MSRA: variants seen among roughly 807,000 people sequenced by gnomAD.
MSRA encodes the protein mitochondrial peptide methionine sulfoxide reductase.
In MSRA, 54 loss-of-function variants were observed where a neutral mutation model predicts 31.3. The ratio of observed to expected loss-of-function variants is 1.73; its 90% CI spans 1.39 to 2.17. The LOEUF (loss-of-function observed/expected upper bound fraction) is 2.17, where lower values mean the gene tolerates loss of function less well. Ranked by LOEUF, MSRA falls within the 30% of genes most tolerant of loss-of-function variation. The probability of loss-of-function intolerance (pLI) is 0.00; values close to 1 mark genes in which losing one functional copy is unlikely to be tolerated. For missense variants in MSRA, 507 were observed against 300.9 expected, an observed-to-expected ratio of 1.69 and a Z score of -5.07; for synonymous variants, 169 against 116.5, an observed-to-expected ratio of 1.45 and a Z score of -2.90.
intron 1 of MSRA, among the ~76,000 whole-genome samples, chr8:10,112,156 C>A (rs1480145565): frequency 6.6e-6 from 1 of 152,124 alleles, no homozygotes; most frequent in African/African-American, 2.4e-5. Context: ...GCGCTGTCTC[C>A]TTATTTTAAA....
At chr8:10,069,019 G>A (rs539773749) in intron 1 of MSRA, among the ~76,000 whole-genome samples, 218 of 152,154 alleles carry the variant, frequency 1.4e-3, no homozygotes, top group African/African-American at 4.8e-3. Flanking sequence ...AAAATATTTC[G>A]TGTTTTTTTG....
chr8:10,059,502 G>A (rs886622341), intron 1 of MSRA, among the ~76,000 whole-genome samples: 1 of 152,130 alleles, frequency 6.6e-6, no homozygotes, highest in Non-Finnish European at 1.5e-5. Context: ...TTCCATTTAG[G>A]TTATTGTTAA....
intron 1 of MSRA, among the ~76,000 whole-genome samples, chr8:10,092,841 A>G (rs1323553305): frequency 9.2e-5 from 14 of 152,078 alleles, no homozygotes; most frequent in Admixed American, 8.5e-4. Flanking sequence ...CAATTATTTT[A>G]GATTTTGCTT....
At chr8:10,234,522 G>C (rs1223873883) in intron 2 of MSRA, among the ~76,000 whole-genome samples, 2 of 151,920 alleles carry the variant, frequency 1.3e-5, no homozygotes, top group East Asian at 3.9e-4. Context: ...TAATAGGAGA[G>C]AGAAAATGAG....
intron 5 of MSRA, among the ~76,000 whole-genome samples, chr8:10,408,556 A>G (rs1458921922): frequency 1.3e-5 from 2 of 152,144 alleles, no homozygotes; most frequent in Admixed American, 6.5e-5. Flanking sequence ...AATAAGTAAT[A>G]GAGGAGTAGG....
intron 2 of MSRA, among the ~76,000 whole-genome samples, chr8:10,232,713 G>A (rs538850413): frequency 6.6e-6 from 1 of 152,284 alleles, no homozygotes; most frequent in East Asian, 1.9e-4. Context: ...AAATCTCATA[G>A]ACACAGATAT....
chr8:10,271,969 A>C (rs1361518230), intron 3 of MSRA, among the ~76,000 whole-genome samples: 3 of 152,180 alleles, frequency 2.0e-5, no homozygotes, highest in South Asian at 2.1e-4. Flanking sequence ...CGACCTCCCA[A>C]AGTGCTGGGA....
At chr8:10,072,385 T>G (rs1303552418) in intron 1 of MSRA, among the ~76,000 whole-genome samples, 1 of 152,218 alleles carries the variant, frequency 6.6e-6, no homozygotes, top group Non-Finnish European at 1.5e-5. Flanking sequence ...ATTGATTTGC[T>G]TCTGCATTTT....
rs1554557545 is a variant in MSRA, at chr8:10,417,664, G to GA, written c.544-10484_544-10483insA. On this transcript the variant is annotated intron_variant, in intron 5 of 5. Transcript: ENST00000317173. ...AGTCATTTCACATTTTTTTTTTAAA[G>GA]TTTTGATTGACATCTATTTGGTCAA... is the stretch of plus-strand genomic sequence containing the variant. Among the ~76,000 whole-genome samples the GA allele has an allele frequency of 2.7e-4, 41 of 151,612 alleles. No individual in the cohort carries two copies. The South Asian group carries it at 8.3e-3, about 31-fold the overall frequency.
At chr8:10,233,587 G>A (rs1219394477) in intron 2 of MSRA, among the ~76,000 whole-genome samples, 1 of 152,172 alleles carries the variant, frequency 6.6e-6, no homozygotes, top group East Asian at 1.9e-4. Context: ...GAACCCAGTT[G>A]ATGAGGAACT....
At chr8:10,167,170 T>G (rs1805209032) in intron 1 of MSRA, among the ~76,000 whole-genome samples, 1 of 152,180 alleles carries the variant, frequency 6.6e-6, no homozygotes, top group African/African-American at 2.4e-5. Flanking sequence ...ATGTTTTGTC[T>G]GGAAACAAGT....
In MSRA at chr8:10,290,455, T is replaced by A. The variant is rs180793613; in HGVS notation, c.332-11079T>A. 1.5e-3 allele frequency among the ~76,000 whole-genome samples: 221 copies of A among 152,262 alleles called. 4 individuals are homozygous for A. The highest frequency in any genetic ancestry group is 0.014 in the Admixed American group (219 of 15,302). ...AGACTTTGTTGAAAAAAAAAAATGT[T>A]CTGTCCATTTCCTCCTTTGTGGTTT... is the stretch of plus-strand genomic sequence containing the variant. On this transcript the variant is annotated intron_variant, in intron 3 of 5. Coordinates refer to ENST00000317173, the MANE Select transcript of MSRA (RefSeq NM_012331.5).
At chr8:10,113,763 AT>A (rs1178311984) in intron 1 of MSRA, among the ~76,000 whole-genome samples, 253 of 147,706 alleles carry the variant, frequency 1.7e-3, no homozygotes, top group African/African-American at 4.5e-3. Flanking sequence ...AGGTATTTGC[AT>A]TTTTTTTTTT....
intron 5 of MSRA, among the ~76,000 whole-genome samples, chr8:10,384,114 G>C (rs1043570011): frequency 1.3e-5 from 2 of 152,176 alleles, no homozygotes; most frequent in Non-Finnish European, 2.9e-5. Context: ...TATGTGCCCA[G>C]AGCTTGTACC....
At chr8:10,081,086 C>G (rs887358140) in intron 1 of MSRA, among the ~76,000 whole-genome samples, 6 of 152,190 alleles carry the variant, frequency 3.9e-5, no homozygotes, top group Non-Finnish European at 5.9e-5. Flanking sequence ...GGGCCACAGG[C>G]CAAGCCAACA....
In MSRA at chr8:10,219,999, A is replaced by T. The variant is rs150125351; in HGVS notation, c.211+12098A>T. 1.2e-3 allele frequency among the ~76,000 whole-genome samples: 177 copies of T among 152,100 alleles called. 1 individual carries two copies. The highest frequency in any genetic ancestry group is 2.3e-3 in the Non-Finnish European group (155 of 68,000). ...TAAGAAGTGGGATTCAGTTGAAGCA[A>T]CATGGTTGAACCATGTGGAGAAACA... On this transcript the variant is annotated intron_variant, in intron 2 of 5. Coordinates refer to ENST00000317173, the MANE Select transcript of MSRA (RefSeq NM_012331.5).
At chr8:10,357,361 G>C (rs1347551415) in intron 5 of MSRA, among the ~76,000 whole-genome samples, 1 of 152,144 alleles carries the variant, frequency 6.6e-6, no homozygotes, top group African/African-American at 2.4e-5. Context: ...GCTTTCTCTC[G>C]ACCCACTTTT....
At chr8:10,427,353 C>T (rs1178959745) in intron 5 of MSRA, among the ~76,000 whole-genome samples, 2 of 152,220 alleles carry the variant, frequency 1.3e-5, no homozygotes, top group African/African-American at 4.8e-5. Flanking sequence ...AGTCTGTCTC[C>T]TGCCCCAAAT....
intron 5 of MSRA, among the ~76,000 whole-genome samples, chr8:10,406,432 C>T (rs1807822714): frequency 6.6e-6 from 1 of 152,180 alleles, no homozygotes; most frequent in Non-Finnish European, 1.5e-5. Flanking sequence ...GGCTAAGTGA[C>T]TTGAGCAAGG....
Sources: gnomAD v4.1 joint callset for allele counts (sites outside exome capture counted in the v4.1 genomes callset) on GRCh38, gnomAD v4.1.1 for gene constraint, MANE v1.5 for transcripts, NCBI Gene and HGNC (gene_info 2026-07-23, HGNC 2026-07-21) for gene names.